Variants in LMF1 observed in about 807,000 individuals in gnomAD.
LMF1 encodes transmembrane protein 112.
Under a neutral mutation model 60.6 loss-of-function variants are expected in LMF1, and 68 were observed. The observed-to-expected ratio is 1.12, with a 90% CI of 0.92 to 1.37. LMF1 has a LOEUF of 1.37. Ranked by LOEUF, LMF1 falls within the 40% of genes most tolerant of loss-of-function variation. The pLI is 0.00. For missense variants in LMF1, 948 were observed against 767.2 expected, an observed-to-expected ratio of 1.24 and a Z score of -2.78; for synonymous variants, 418 against 324.7, an observed-to-expected ratio of 1.29 and a Z score of -3.09.
At position 969,284 on chromosome 16, in the gene LMF1, C is replaced by T. The variant is rs145972605; in HGVS notation, c.193+1504G>A. On this transcript the variant is annotated intron_variant, in intron 1 of 10. Transcript: ENST00000262301. ...GGGCCGACATGGTGCCGTTGCGCTC[C>T]AGCCTGGGCAACAGAGTGAGACTCC... Among the ~76,000 whole-genome samples, 566 of 152,150 alleles carry T rather than the reference C, an allele frequency of 3.7e-3. 6 individuals are homozygous for T. Among genetic ancestry groups the T allele is most frequent in the African/African-American group, 0.013 (533 of 41,480 alleles).
At chr16:931,713 G>A (rs1432675873) in intron 3 of LMF1, 8 of 1,287,102 alleles carry the variant, frequency 6.2e-6, no homozygotes, top group Admixed American at 2.3e-5. Flanking sequence ...ATGGCTGCTC[G>A]GAAGGCAGGG....
chr16:903,083 TG>T (rs2070865515), intron 4 of LMF1: 1 of 64,104 alleles, frequency 1.6e-5, no homozygotes, highest in Non-Finnish European at 2.5e-5. Context: ...TGCTGCGTGG[TG>T]GTGACCTCTG....
At chr16:977,990 A>ATACACATG (rs60979974) in intron 1 of LMF1, among the ~76,000 whole-genome samples, 1 of 123,518 alleles carries the variant, frequency 8.1e-6, no homozygotes, top group African/African-American at 3.4e-5. Context: ...ACACACATAC[A>ATACACATG]CGCACACACA....
intron 8 of LMF1, 22 bp downstream of exon 8, chr16:870,707 G>T (rs983787358): frequency 2.5e-6 from 4 of 1,611,910 alleles, no homozygotes. Flanking sequence ...AGCTCCGGGG[G>T]ACGGGGACCC....
intron 1 of LMF1, among the ~76,000 whole-genome samples, chr16:960,664 GAC>G (rs1386857673): frequency 2.5e-4 from 1 of 3,964 alleles, no homozygotes; most frequent in African/African-American, 1.6e-3. Flanking sequence ...TCACGACCCA[GAC>G]ACAGACTCAC....
At chr16:868,464 C>G (rs1260861541) in intron 10 of LMF1, among the ~76,000 whole-genome samples, 2 of 152,162 alleles carry the variant, frequency 1.3e-5, no homozygotes, top group Non-Finnish European at 2.9e-5. Flanking sequence ...CTGCGGGGCT[C>G]CCTCCTTGGA....
intron 6 of LMF1, chr16:873,646 C>T (rs913317404): frequency 6.8e-6 from 1 of 147,494 alleles, no homozygotes; most frequent in Non-Finnish European, 1.5e-5. Context: ...GCCGAGGACA[C>T]CCCTGCGCTC....
In LMF1 at chr16:868,784, G is replaced by C. The variant is rs746596358; in HGVS notation, c.1529+160C>G. On this transcript the variant is annotated intron_variant, in intron 10 of 10. Coordinates refer to ENST00000262301, the MANE Select transcript of LMF1 (RefSeq NM_022773.4). ...CCAAGGCTGATGTGGGGCGGGGGGG[G>C]GGGGCCCTTTTTGCTCCCAGCAGGC... 0.072 allele frequency among the ~76,000 whole-genome samples: 10,067 copies of C among 140,286 alleles called. 625 individuals carry two copies. Among genetic ancestry groups the C allele is most frequent in the African/African-American group, 0.17 (6,398 of 38,666 alleles). The allele number at this position is 140,286 out of a possible 152,430, so 92.0% of individuals were successfully genotyped here.
chr16:970,834 G>C lies in LMF1; in HGVS notation c.147C>G (p.Phe49Leu). ...TCAGGAGCACGATCCGGGTCAGCCAGAAGGTGCCCGTGTGGAGATGGGCCG... is the reference window on the plus strand; with the variant it reads ...TCAGGAGCACGATCCGGGTCAGCCACAAGGTGCCCGTGTGGAGATGGGCCG... The part of the protein sequence containing the change: ...GSPAHLHTGT[F>L]WLTRIVLLKA... Residue 49 changes from phenylalanine (F) to leucine (L), a missense_variant, in exon 1 of 11, where the codon TTC (phenylalanine) becomes TTG (leucine). Transcript: ENST00000262301. 1 of 1,550,598 alleles carries C rather than the reference G, an allele frequency of 6.4e-7. No homozygotes were observed. The highest frequency in any genetic ancestry group is 8.7e-7 in the Non-Finnish European group (1 of 1,148,622).
chr16:853,935 G>A lies in LMF1; in HGVS notation c.*597C>T. On this transcript the variant is annotated 3_prime_UTR_variant, in exon 11 of 11. Transcript: ENST00000262301. The stretch of plus-strand genomic sequence containing the variant: ...GTGCACAGGCTGTGTGTGCCTGCAT[G>A]TGTGGGATGCGTGTAGGCTGTGGCG... The A allele has an allele frequency of 2.2e-6, 1 of 454,168 alleles. No homozygotes were observed. Among genetic ancestry groups the A allele is most frequent in the South Asian group, 1.6e-5 (1 of 64,480 alleles). 28.1% of individuals were successfully genotyped at this position (454,168 alleles called of 1,614,324 possible). A position where few individuals can be genotyped will look rare whatever the true frequency, so the allele number is the denominator to read the frequency against.
At chr16:859,270 G>GC (rs199767612) in intron 10 of LMF1, among the ~76,000 whole-genome samples, 11 of 109,586 alleles carry the variant, frequency 1.0e-4, no homozygotes, top group Non-Finnish European at 1.2e-4. Context: ...GGACGGGTGT[G>GC]AGTGGTGTCT....
chr16:880,363 C>T (rs2070127137), intron 5 of LMF1, among the ~76,000 whole-genome samples: 1 of 152,168 alleles, frequency 6.6e-6, no homozygotes, highest in African/African-American at 2.4e-5. Context: ...TGGGAACTTG[C>T]CCTGCACCAT....
rs1214270646 is a variant in LMF1 at position 954,423 on chromosome 16, G to A, written c.437C>T (p.Ala146Val). ...CAGGGCAGCCATGAGAAGCATGTTG[G>A]CGCAGCCCGTGATCAGTACGAAAGA... ...ISSFVLITGCANMLLMAALWG... is the reference protein window; with the variant it reads ...ISSFVLITGCVNMLLMAALWG... Residue 146 changes from alanine (A) to valine (V), a missense_variant, in exon 2 of 11, where the codon GCC (alanine) becomes GTC (valine). Physicochemically the swap from Ala to Val is moderately conservative, Grantham distance 64 (BLOSUM62 0). Transcript: ENST00000262301. The A allele has an allele frequency of 6.2e-7, 1 of 1,612,934 alleles. No homozygotes were observed. Among genetic ancestry groups the A allele is most frequent in the East Asian group, 2.2e-5 (1 of 44,882 alleles).
intron 2 of LMF1, among the ~76,000 whole-genome samples, chr16:952,965 A>ATACC (rs2072525510): frequency 1.6e-5 from 1 of 63,128 alleles, no homozygotes; most frequent in African/African-American, 1.2e-4. Flanking sequence ...GTCCACACAG[A>ATACC]CACCCCAAAC....
rs1445437006 is a variant in LMF1 at position 955,095 on chromosome 16, GGT to G, written c.194-431_194-430del. Among the ~76,000 whole-genome samples the G allele has an allele frequency of 9.7e-5, 9 of 92,460 alleles. 2 individuals carry two copies. The highest frequency in any genetic ancestry group is 5.5e-4 in the East Asian group (2 of 3,636). The allele number at this position is 92,460 out of a possible 152,430, so 60.7% of individuals were successfully genotyped here. ...TAAAATGCGTGCCCGCAGCAGACGC[GGT>G]GTGTGCACACACACACACACATCTA... is the stretch of plus-strand genomic sequence containing the variant. On this transcript the variant is annotated intron_variant, in intron 1 of 10. Coordinates refer to ENST00000262301, the MANE Select transcript of LMF1 (RefSeq NM_022773.4).
intron 6 of LMF1, 87 bp downstream of exon 6, chr16:879,483 G>T: frequency 9.5e-6 from 14 of 1,475,738 alleles, no homozygotes; most frequent in Non-Finnish European, 1.3e-5. Flanking sequence ...ATGCCCCAGG[G>T]TCCTCCCAGA....
At chr16:956,825 C>T (rs1462302268) in intron 1 of LMF1, among the ~76,000 whole-genome samples, 1 of 118,430 alleles carries the variant, frequency 8.4e-6, no homozygotes, top group African/African-American at 3.3e-5. Flanking sequence ...GCCTGGACGA[C>T]AAGAGCAAAA....
At chr16:931,658 T>C (rs1203169429) in intron 3 of LMF1, 40 of 1,286,998 alleles carry the variant, frequency 3.1e-5, no homozygotes, top group Non-Finnish European at 3.9e-5. Context: ...AACTGGCAGC[T>C]CTATGTTCTC....
At chr16:958,463 T>C (rs1170024234) in intron 1 of LMF1, among the ~76,000 whole-genome samples, 2 of 152,112 alleles carry the variant, frequency 1.3e-5, no homozygotes, top group Admixed American at 1.3e-4. Context: ...TGAACAGACA[T>C]AGGAAGGTGT....
Sources: allele counts gnomAD v4.1 joint callset (sites outside exome capture counted in the v4.1 genomes callset), GRCh38; gene constraint gnomAD v4.1.1; transcripts MANE v1.5; gene names NCBI Gene and HGNC (gene_info 2026-07-23, HGNC 2026-07-21).